BYSL: variants seen among roughly 807,000 people sequenced by gnomAD.
BYSL encodes the protein bystin like, also known as bystin.
In BYSL, 21 loss-of-function variants were observed where a neutral mutation model predicts 45.4. The observed-to-expected ratio is 0.46, with a 90% CI of 0.33 to 0.67. The LOEUF is 0.67. Among genes scored for constraint, BYSL ranks in the 30% least tolerant of loss-of-function variants. BYSL has a pLI of 0.02. For synonymous variants in BYSL, 215 were observed against 231.3 expected, an observed-to-expected ratio of 0.93 and a Z score of 0.64; for missense variants, 522 against 578.5, an observed-to-expected ratio of 0.90 and a Z score of 1.00.
the BYSL span, among the ~76,000 whole-genome samples, chr6:41,914,574 G>A: frequency 6.6e-6 from 1 of 152,122 alleles, no homozygotes. Flanking sequence ...TTAAGTTACT[G>A]CAGAGCCAAG....
chr6:41,909,567 C>A, the BYSL span: 1 of 1,601,136 alleles, frequency 6.2e-7, no homozygotes, highest in African/African-American at 1.3e-5. Context: ...CTTTCACTGG[C>A]AAACCCCAGA....
intron 1 of BYSL, among the ~76,000 whole-genome samples, chr6:41,926,095 C>T (rs932229597): frequency 2.6e-5 from 4 of 152,198 alleles, no homozygotes; most frequent in African/African-American, 7.2e-5. Context: ...TTATTTCTTG[C>T]TATTGCCTAG....
At chr6:41,909,676 G>A in the BYSL span, among the ~76,000 whole-genome samples, 1 of 152,190 alleles carries the variant, frequency 6.6e-6, no homozygotes, top group South Asian at 2.1e-4. Flanking sequence ...CTCACTGACA[G>A]CCTTTTCTAG....
Position 41,929,498 on chromosome 6 carries a change from A to T in BYSL, c.432-634A>T, listed in dbSNP as rs190573617. Among the ~76,000 whole-genome samples the T allele has an allele frequency of 5.6e-3, 849 of 152,194 alleles. 7 individuals carry two copies. The highest frequency in any genetic ancestry group is 0.018 in the African/African-American group (733 of 41,512). On this transcript the variant is annotated intron_variant, in intron 2 of 6. Transcript: ENST00000230340. The stretch of plus-strand genomic sequence containing the variant: ...GGGCAACAGAGGTAGACTCTCTCTC[A>T]AAAAAAATAAATAAATACACTTCAG...
the BYSL span, among the ~76,000 whole-genome samples, chr6:41,913,948 AACTT>A: frequency 6.6e-6 from 1 of 152,222 alleles, no homozygotes; most frequent in African/African-American, 2.4e-5. Flanking sequence ...TGTATGTATT[AACTT>A]ACTTAGCACA....
chr6:41,924,025 TC>T (rs1275276346), intron 1 of BYSL, among the ~76,000 whole-genome samples: 1 of 151,918 alleles, frequency 6.6e-6, no homozygotes, highest in Admixed American at 6.6e-5. Context: ...ATCTCCATAC[TC>T]CCAGCATTTC....
chr6:41,925,582 C>G (rs1280568568), intron 1 of BYSL, among the ~76,000 whole-genome samples: 6 of 152,138 alleles, frequency 3.9e-5, no homozygotes, highest in African/African-American at 1.4e-4. Context: ...CCAGGATGGT[C>G]TCGGTCTCCT....
the BYSL span, among the ~76,000 whole-genome samples, chr6:41,911,490 A>AC: frequency 1.3e-5 from 2 of 152,130 alleles, no homozygotes; most frequent in African/African-American, 4.8e-5. Flanking sequence ...ACAAAATAAA[A>AC]CAAGTTATTA....
chr6:41,923,128 G>A (rs191065028), intron 1 of BYSL, among the ~76,000 whole-genome samples: 99 of 115,354 alleles, frequency 8.6e-4, no homozygotes, highest in Non-Finnish European at 1.4e-3. Context: ...CATATTCTCC[G>A]TTTTTTCTTT....
intron 2 of BYSL, 141 bp downstream of exon 2, chr6:41,927,677 C>A: frequency 2.0e-6 from 2 of 1,022,778 alleles, no homozygotes; most frequent in Non-Finnish European, 1.4e-6. Flanking sequence ...ACAAAACTGG[C>A]CCATCCTCAA....
chr6:41,932,318 A>G lies in BYSL; in HGVS notation c.969-43A>G, dbSNP rs370410317. On this transcript the variant is annotated intron_variant, in intron 6 of 6. Transcript: ENST00000230340. This position sits in a 1 kb window ranked among gnomAD's most constrained non-coding sequence, Gnocchi z 4.7. ...AGGGAGAAGTAGGATCCTTCTTCCA[A>G]TGTTTTCCCTGCTTACTCTACCCCA... 945 of 1,557,610 alleles carry G rather than the reference A, an allele frequency of 6.1e-4. No homozygotes were observed. The highest frequency in any genetic ancestry group is 7.6e-4 in the Non-Finnish European group (872 of 1,144,532).
intron 1 of BYSL, among the ~76,000 whole-genome samples, chr6:41,925,264 A>G (rs758149955): frequency 1.5e-4 from 23 of 152,110 alleles, no homozygotes; most frequent in Admixed American, 8.5e-4. Context: ...ACCTATTGAT[A>G]CGTAGCATTA....
intron 1 of BYSL, 65 bp from the exon 2 acceptor site, chr6:41,927,309 T>C: frequency 6.3e-7 from 1 of 1,583,254 alleles, no homozygotes; most frequent in Non-Finnish European, 8.6e-7. Flanking sequence ...ATGGCTAAAG[T>C]TAAACTGACG....
intron 1 of BYSL, among the ~76,000 whole-genome samples, chr6:41,924,317 C>T (rs1037762844): frequency 3.3e-5 from 5 of 151,996 alleles, no homozygotes; most frequent in South Asian, 2.1e-4. Flanking sequence ...GTGATCCACC[C>T]GCCTCGGCCT....
chr6:41,909,062 T>G, the BYSL span: 1 of 632,760 alleles, frequency 1.6e-6, no homozygotes, highest in East Asian at 2.7e-5. Context: ...TAGTCCCAGG[T>G]ACTTGGGAGA....
At position 41,921,560 on chromosome 6, in the gene BYSL, A is replaced by C; in HGVS notation, c.-3A>C. On this transcript the variant is annotated 5_prime_UTR_variant, in exon 1 of 7. Coordinates refer to ENST00000230340, the MANE Select transcript of BYSL (RefSeq NM_004053.4). ...ATCCTTCCCGGCAACTTTTTCGAGA[A>C]AAATGCCCAAATTCAAGGCGGCCCG... The C allele has an allele frequency of 1.3e-6, 2 of 1,559,154 alleles. No homozygotes were observed. The highest frequency in any genetic ancestry group is 1.7e-6 in the Non-Finnish European group (2 of 1,151,184).
chr6:41,922,505 T>C (rs1232156834), intron 1 of BYSL, among the ~76,000 whole-genome samples: 1 of 152,224 alleles, frequency 6.6e-6, no homozygotes. Context: ...TTGACACAAT[T>C]GAATAGTGGC....
In BYSL at chr6:41,921,781, T is replaced by A; in HGVS notation, c.219T>A (p.His73Gln). The change falls in exon 1 of 7, where the codon CAT becomes CAA. Residue 73 changes from histidine to glutamine, a missense_variant. By Grantham distance (24) the His-to-Gln change is conservative (BLOSUM62 0). Transcript: ENST00000230340. ...AACAGGAGGAACTCGAGGCCGAGCA[T>A]GGGACTGGGGACAAGCCCGCGGCGC... ...RQQQEELEAE[H>Q]GTGDKPAAPR... is the part of the protein sequence containing the mutation. 6.2e-7 allele frequency: 1 copy of A among 1,612,546 alleles called. No homozygotes were observed. The highest frequency in any genetic ancestry group is 8.5e-7 in the Non-Finnish European group (1 of 1,179,702).
At chr6:41,911,093 C>T in the BYSL span, among the ~76,000 whole-genome samples, 247 of 142,168 alleles carry the variant, frequency 1.7e-3, 1 homozygote, top group African/African-American at 5.9e-3. Context: ...TGGGTGACAG[C>T]GAGACTCCAT....
Sources: gnomAD v4.1 joint callset for allele counts (sites outside exome capture counted in the v4.1 genomes callset) on GRCh38, gnomAD v4.1.1 for gene constraint, Gnocchi (gnomAD v3.1) non-coding constraint, MANE v1.5 for transcripts, NCBI Gene and HGNC (gene_info 2026-07-23, HGNC 2026-07-21) for gene names.